SALL2: variants seen among roughly 807,000 people sequenced by gnomAD.
SALL2 encodes the protein sal-like protein 2.
Under a neutral mutation model 58.5 loss-of-function variants are expected in SALL2, and 32 were observed. The ratio of observed to expected loss-of-function variants is 0.55; its 90% CI spans 0.41 to 0.74. The LOEUF (loss-of-function observed/expected upper bound fraction) is 0.74. SALL2 is among the 30% of genes least tolerant of loss of function. The pLI is 0.00. For missense variants in SALL2, 1,201 were observed against 1,268.9 expected, an observed-to-expected ratio of 0.95 and a Z score of 0.81; for synonymous variants, 516 against 513.6, an observed-to-expected ratio of 1.00 and a Z score of -0.06.
Position 21,526,193 on chromosome 14 carries a change from A to ATGGCC in SALL2, c.-71_-67dup, listed in dbSNP as rs1422697009. The ATGGCC allele has an allele frequency of 1.3e-6, 2 of 1,526,924 alleles. No individual in the cohort carries two copies. The highest frequency in any genetic ancestry group is 2.0e-5 in the Admixed American group (1 of 50,628). 94.6% of individuals were successfully genotyped at this position (1,526,924 alleles called of 1,614,324 possible). ...ATGGATATTGGGATTGAGGGAGGCG[A>ATGGCC]TGGCCGCTGGGTCTGCGGCAGCCTC... On this transcript the variant is annotated 5_prime_UTR_variant, in exon 1 of 2. Coordinates refer to ENST00000537235, the MANE Select transcript of SALL2 (RefSeq NM_001364564.1).
upstream of SALL2, among the ~76,000 whole-genome samples, chr14:21,529,163 C>G (rs1892396324): frequency 6.6e-6 from 1 of 152,158 alleles, no homozygotes; most frequent in African/African-American, 2.4e-5. Flanking sequence ...GGGCAGGATT[C>G]TTACACAAAC....
Position 21,522,876 on chromosome 14 carries a change from T to C in SALL2, c.2846A>G (p.Glu949Gly). 6.2e-7 allele frequency: 1 copy of C among 1,611,096 alleles called. No homozygotes were observed. Among genetic ancestry groups the C allele is most frequent in the Non-Finnish European group, 8.5e-7 (1 of 1,178,462 alleles). Residue 949 changes from glutamate (E) to glycine (G), a missense_variant, in exon 2 of 2, where the codon GAG (glutamate) becomes GGG (glycine). Transcript: ENST00000537235. ...CATATGCTTCTTGAGGGTAGCCCGCTCAAGAAAGCCCTGCCTGCAGAAAAC... is the reference window on the plus strand; with the variant it reads ...CATATGCTTCTTGAGGGTAGCCCGCCCAAGAAAGCCCTGCCTGCAGAAAAC... ...TCVFCRQGFLERATLKKHMLL... is the reference protein window; with the variant it reads ...TCVFCRQGFLGRATLKKHMLL...
chr14:21,526,400 G>T (rs1892315629), upstream of SALL2: 3 of 1,375,020 alleles, frequency 2.2e-6, no homozygotes, highest in Admixed American at 6.8e-5. Context: ...GGGGAGGGAG[G>T]CGGGAGCTAG....
chr14:21,536,536 C>G (rs1053645115), intron 1 of SALL2, among the ~76,000 whole-genome samples: 7 of 152,200 alleles, frequency 4.6e-5, no homozygotes, highest in African/African-American at 1.7e-4. Flanking sequence ...TACTTAGCAA[C>G]GGCACAAAGA....
exon 1 of SALL2, chr14:21,536,982 C>T (rs1892614696): frequency 6.9e-7 from 1 of 1,454,712 alleles, no homozygotes; most frequent in South Asian, 1.1e-5. Context: ...CCGGGGTGAC[C>T]TGGTCTCGTC....
upstream of SALL2, among the ~76,000 whole-genome samples, chr14:21,529,128 C>T (rs1360242680): frequency 6.6e-6 from 1 of 152,168 alleles, no homozygotes; most frequent in African/African-American, 2.4e-5. Context: ...CAGTACTTTG[C>T]ACTCACTGCA....
rs187291560 is a variant in SALL2 at position 21,536,155 on chromosome 14, G to C, written c.-114+807C>G. Among the ~76,000 whole-genome samples, 3 of 152,228 alleles carry C rather than the reference G, an allele frequency of 2.0e-5. No individual in the cohort carries two copies. In the East Asian group the frequency reaches 5.8e-4, roughly 29 times the overall value. ...GGGACACCTGTTGCTTCAAAAACAC[G>C]GTATCCTCATAAAATGATATGCATG... On this transcript the variant is annotated intron_variant, in intron 1 of 1. Transcript: ENST00000541965.
At chr14:21,526,418 G>A (rs1482675506), upstream of SALL2, 2 of 1,364,740 alleles carry the variant, frequency 1.5e-6, no homozygotes, top group Admixed American at 3.4e-5. Context: ...TAGAGGAGGC[G>A]GGAGAAGGGA....
chr14:21,526,745 G>A (rs1259372346), upstream of SALL2, among the ~76,000 whole-genome samples: 1 of 152,106 alleles, frequency 6.6e-6, no homozygotes, highest in Non-Finnish European at 1.5e-5. Context: ...TCAGAGGTCT[G>A]AGGGCCAGAA....
Position 21,523,448 on chromosome 14 carries a change from C to T in SALL2, c.2274G>A (p.Glu758=). 1.2e-6 allele frequency: 2 copies of T among 1,614,136 alleles called. No homozygotes were observed. The highest frequency in any genetic ancestry group is 1.7e-6 in the Non-Finnish European group (2 of 1,180,026). The part of the protein sequence containing the change: ...QQQSQQPSPE[E]ELSEEEEEED... ...CCTCTTCCTCCTCCTCAGACAACTC[C>T]TCTTCCGGTGATGGCTGCTGGGACT... Residue 758 remains glutamate, a synonymous_variant, in exon 2 of 2, where the codon GAG becomes GAA. Transcript: ENST00000537235. This position sits in a 1 kb window ranked among gnomAD's most constrained non-coding sequence, Gnocchi z 4.4.
rs750342844 is a variant in SALL2 at position 21,523,435 on chromosome 14, C to T, written c.2287G>A (p.Glu763Lys). ...QPSPEEELSEEEEEEDEEEEE... is the reference protein window; with the variant it reads ...QPSPEEELSEKEEEEDEEEEE... ...TCTTCCTCATCCTCCTCTTCCTCCT[C>T]CTCAGACAACTCCTCTTCCGGTGAT... Residue 763 changes from glutamate to lysine, a missense_variant, in exon 2 of 2, where the codon GAG becomes AAG. This residue lies in a region of SALL2 where 675 missense variants were observed against 683.8 expected (regional missense o/e 0.99). Coordinates refer to ENST00000537235, the MANE Select transcript of SALL2 (RefSeq NM_001364564.1). This position sits in a 1 kb window ranked among gnomAD's most constrained non-coding sequence, Gnocchi z 4.4. 4 of 1,613,846 alleles carry T rather than the reference C, an allele frequency of 2.5e-6. No individual in the cohort carries two copies. The South Asian group carries it at 3.3e-5, about 13-fold the overall frequency.
At chr14:21,529,931 T>G (rs1028268611), upstream of SALL2, among the ~76,000 whole-genome samples, 2 of 152,196 alleles carry the variant, frequency 1.3e-5, no homozygotes, top group Non-Finnish European at 2.9e-5. Context: ...ACAAAGATGG[T>G]GACACAATGA....
chr14:21,536,789 C>T lies in SALL2; in HGVS notation c.-114+173G>A. 3.4e-6 allele frequency: 5 copies of T among 1,457,818 alleles called. No individual in the cohort carries two copies. The South Asian group carries it at 4.6e-5, about 13-fold the overall frequency. 90.3% of individuals were successfully genotyped at this position (1,457,818 alleles called of 1,614,324 possible). A position where few individuals can be genotyped will look rare whatever the true frequency, so the allele number is the denominator to read the frequency against. ...CCATGGCCCGAGTGCCCTCCCCTTG[C>T]CCTGGCCTGACCCACACAGGCTTGG... On this transcript the variant is annotated intron_variant, in intron 1 of 1. Coordinates refer to the SALL2 transcript ENST00000541965.
chr14:21,530,285 T>TC (rs1892425293), upstream of SALL2, among the ~76,000 whole-genome samples: 1 of 70,628 alleles, frequency 1.4e-5, no homozygotes, highest in Non-Finnish European at 3.6e-5. Flanking sequence ...TTCTTTCTTT[T>TC]TTTTTTTTTT....
Position 21,525,024 on chromosome 14 carries a change from G to A in SALL2, c.698C>T (p.Thr233Ile). ...GCTGAAGAGGGGTAGTAGGGGCTTG[G>A]TGGAAGAGGCAGTCCCTGTCCCAGG... ...ELPGTGTASSTKPLLPLFSPI... is the reference protein window; with the variant it reads ...ELPGTGTASSIKPLLPLFSPI... Residue 233 changes from threonine to isoleucine, a missense_variant, in exon 2 of 2, where the codon ACC becomes ATC. Around this residue, in one of 3 missense-constraint regions of SALL2, gnomAD observed 467 missense variants for 468.9 expected, o/e 1.00. Coordinates refer to ENST00000537235, the MANE Select transcript of SALL2 (RefSeq NM_001364564.1). The surrounding 1 kb of genome is among the most constrained non-coding windows in gnomAD (Gnocchi z 4.4). The A allele has an allele frequency of 1.2e-6, 2 of 1,613,904 alleles. No homozygotes were observed. The highest frequency in any genetic ancestry group is 1.7e-6 in the Non-Finnish European group (2 of 1,179,884).
In SALL2 at chr14:21,522,181, AG is replaced by A. The variant is rs139716556; in HGVS notation, c.*522del. 1 of 1,597,774 alleles carries A rather than the reference AG, an allele frequency of 6.3e-7. No individual in the cohort carries two copies. Among genetic ancestry groups the A allele is most frequent in the South Asian group, 1.1e-5 (1 of 90,838 alleles). The stretch of plus-strand genomic sequence containing the variant: ...GGGGCCAGGCTTGGAGTGGTAGTGG[AG>A]GTGGAGCTGGAATTCCAGGGCTTCA... On this transcript the variant is annotated 3_prime_UTR_variant, in exon 2 of 2. Transcript: ENST00000537235.
upstream of SALL2, among the ~76,000 whole-genome samples, chr14:21,528,612 T>C (rs1034057927): frequency 5.9e-5 from 9 of 152,206 alleles, no homozygotes; most frequent in South Asian, 2.1e-4. Context: ...TTTCAGTTTA[T>C]GGCAAGTCAC....
At chr14:21,534,128 A>C (rs930270926) in intron 1 of SALL2, among the ~76,000 whole-genome samples, 15 of 152,214 alleles carry the variant, frequency 9.9e-5, no homozygotes, top group Admixed American at 8.5e-4. Flanking sequence ...TGATTAAGAA[A>C]ATTTATTAAT....
In SALL2 at chr14:21,524,945, G is replaced by A; in HGVS notation, c.777C>T (p.Ser259=). 2 of 1,608,522 alleles carry A rather than the reference G, an allele frequency of 1.2e-6. No homozygotes were observed. The highest frequency in any genetic ancestry group is 1.3e-5 in the African/African-American group (1 of 74,958). Residue 259 remains serine (S), a synonymous_variant, in exon 2 of 2, where the codon TCC becomes TCT. Coordinates refer to ENST00000537235, the MANE Select transcript of SALL2 (RefSeq NM_001364564.1). ...SKTLASSSSS[S]SSSSGAETPK... is the part of the protein sequence containing the mutation. Reference sequence around the variant, plus strand: ...GCGTTTCTGCCCCTGAAGAGGAAGAGGAGGAGGAGGAGGAAGATGCCAGTG... The same window carrying A: ...GCGTTTCTGCCCCTGAAGAGGAAGAAGAGGAGGAGGAGGAAGATGCCAGTG...
Sources: gnomAD v4.1 joint callset for allele counts (sites outside exome capture counted in the v4.1 genomes callset) on GRCh38, gnomAD v4.1.1 for gene constraint, gnomAD v4.1.1 regional missense constraint, Gnocchi (gnomAD v3.1) non-coding constraint, MANE v1.5 for transcripts, NCBI Gene and HGNC (gene_info 2026-07-23, HGNC 2026-07-21) for gene names.